The following CDK19 variants were observed in gnomAD, a reference collection of about 807,000 sequenced individuals.
CDK19 encodes the protein cyclin-dependent kinase 19.
A neutral mutation model predicts 68.3 loss-of-function variants in CDK19; 20 were observed. The ratio of observed to expected loss-of-function variants is 0.29; its 90% CI spans 0.21 to 0.43. The LOEUF is 0.43. Ranked by LOEUF, CDK19 falls within the 20% of genes least tolerant of loss-of-function variation. CDK19 has a pLI of 1.00. For synonymous variants in CDK19, 221 were observed against 222.8 expected (o/e 0.99, Z 0.07); for missense variants, 339 against 623.5 (o/e 0.54, Z 4.86).
chr6:110,800,631 C>T (rs926725780), intron 1 of CDK19, among the ~76,000 whole-genome samples: 2 of 152,116 alleles, frequency 1.3e-5, no homozygotes, highest in Non-Finnish European at 2.9e-5. Context: ...TCCTGGGATG[C>T]AAGGATGGTT....
In CDK19 at chr6:110,793,499, G is replaced by A. The variant is rs555430999; in HGVS notation, c.128+21510C>T. Among the ~76,000 whole-genome samples the A allele has an allele frequency of 8.5e-5, 13 of 152,326 alleles. No individual in the cohort carries two copies. In the South Asian group the frequency reaches 2.5e-3, roughly 29 times the overall value. On this transcript the variant is annotated intron_variant, in intron 1 of 12. Transcript: ENST00000368911. The stretch of plus-strand genomic sequence containing the variant: ...AATGTGTTTTGGTTGATTATGAAAA[G>A]TCTTTACACAGTGTGGGAGACAGTT...
chr6:110,634,508 G>A (rs1390656917), intron 5 of CDK19, among the ~76,000 whole-genome samples: 2 of 152,238 alleles, frequency 1.3e-5, no homozygotes, highest in Admixed American at 1.3e-4. Flanking sequence ...ATGAGCCACT[G>A]AGCCCGGCCT....
chr6:110,696,263 T>C (rs1307987429), intron 2 of CDK19, among the ~76,000 whole-genome samples: 3 of 152,092 alleles, frequency 2.0e-5, no homozygotes. Context: ...ATCATGTCAA[T>C]AGATGCAGAA....
chr6:110,790,328 G>T (rs1306603686), intron 1 of CDK19, among the ~76,000 whole-genome samples: 1 of 152,000 alleles, frequency 6.6e-6, no homozygotes, highest in Non-Finnish European at 1.5e-5. Flanking sequence ...TTGAGGTCTG[G>T]ATTCAAGACC....
intron 1 of CDK19, chr6:110,814,452 C>T: frequency 2.8e-6 from 1 of 361,928 alleles, no homozygotes; most frequent in South Asian, 2.0e-5. Flanking sequence ...ACGGGCCGGC[C>T]AGCCCGAAGG....
intron 12 of CDK19, among the ~76,000 whole-genome samples, chr6:110,619,989 T>C (rs562037343): frequency 6.6e-6 from 1 of 152,210 alleles, no homozygotes; most frequent in Non-Finnish European, 1.5e-5. Context: ...GTTGCTCATA[T>C]AATGGAGGGG....
At chr6:110,648,905 G>A (rs1276790894) in intron 4 of CDK19, among the ~76,000 whole-genome samples, 2 of 151,942 alleles carry the variant, frequency 1.3e-5, no homozygotes, top group Non-Finnish European at 2.9e-5. Flanking sequence ...TTTTAGTAGA[G>A]ACGGGGTTTC....
rs150983437 is a variant in CDK19 at position 110,765,366 on chromosome 6, G to A, written c.129-19165C>T. On this transcript the variant is annotated intron_variant, in intron 1 of 12. Transcript: ENST00000368911. ...TGCACTCCAGCCTGGGTGACAGAGT[G>A]AGAATCCATATCAACGAAAAGAAGA... 2.6e-3 allele frequency among the ~76,000 whole-genome samples: 380 copies of A among 146,056 alleles called. 7 individuals carry two copies. The East Asian group carries it at 0.048, about 18-fold the overall frequency.
chr6:110,795,540 G>A (rs1247400414), intron 1 of CDK19, among the ~76,000 whole-genome samples: 1 of 152,162 alleles, frequency 6.6e-6, no homozygotes, highest in East Asian at 1.9e-4. Flanking sequence ...GTTGAGATGA[G>A]GGGCACTTTT....
chr6:110,772,667 A>C (rs1468096481), intron 1 of CDK19, among the ~76,000 whole-genome samples: 1 of 152,204 alleles, frequency 6.6e-6, no homozygotes, highest in Non-Finnish European at 1.5e-5. Context: ...CCAAGGCAGG[A>C]GGGTTGTTTG....
In CDK19 at chr6:110,705,231, G is replaced by T. The variant is rs111881470; in HGVS notation, c.205-34690C>A. The stretch of plus-strand genomic sequence containing the variant: ...AATTTTGTATTTTTAGTAGAGACGG[G>T]GTTTCTCCATGTTGGTCAGGCTGGT... On this transcript the variant is annotated intron_variant, in intron 2 of 12. Transcript: ENST00000368911. Among the ~76,000 whole-genome samples the T allele has an allele frequency of 8.8e-3, 1,345 of 152,174 alleles. 20 individuals carry two copies. Among genetic ancestry groups the T allele is most frequent in the African/African-American group, 0.031 (1,285 of 41,520 alleles).
intron 6 of CDK19, among the ~76,000 whole-genome samples, chr6:110,628,631 C>G (rs1779245305): frequency 6.6e-6 from 1 of 152,054 alleles, no homozygotes; most frequent in African/African-American, 2.4e-5. Context: ...CAATTTCAGG[C>G]ATCCCCTGGG....
chr6:110,650,927 GCTA>G (rs1418428558), intron 4 of CDK19, among the ~76,000 whole-genome samples: 1 of 152,192 alleles, frequency 6.6e-6, no homozygotes, highest in Non-Finnish European at 1.5e-5. Flanking sequence ...GGGGAGGACT[GCTA>G]CTGCTACAAG....
intron 4 of CDK19, among the ~76,000 whole-genome samples, chr6:110,639,628 G>T (rs74476912): frequency 4.6e-5 from 7 of 152,202 alleles, no homozygotes; most frequent in Non-Finnish European, 1.0e-4. Context: ...AGAGAAGACT[G>T]AGGTTTTGTG....
At chr6:110,706,404 G>GT (rs774904075) in intron 2 of CDK19, 38,072 of 70,472 alleles carry the variant, frequency 0.54, 15,112 homozygotes, top group Admixed American at 0.65. Flanking sequence ...TAACACTGTT[G>GT]TTTTTTTTTT....
At position 110,797,339 on chromosome 6, in the gene CDK19, C is replaced by CA. The variant is rs879472403; in HGVS notation, c.128+17669dup. On this transcript the variant is annotated intron_variant, in intron 1 of 12. Coordinates refer to ENST00000368911, the MANE Select transcript of CDK19 (RefSeq NM_015076.5). ...TAGGCGACAGAGGGAGACTTCGTCT[C>CA]AAAAAAAAAAGAAAAAAAAGGCTTT... Among the ~76,000 whole-genome samples the CA allele has an allele frequency of 2.8e-3, 395 of 138,810 alleles. 1 individual carries two copies. The highest frequency in any genetic ancestry group is 9.1e-3 in the African/African-American group (342 of 37,768). 91.1% of individuals were successfully genotyped at this position (138,810 alleles called of 152,430 possible). A position where few individuals can be genotyped will look rare whatever the true frequency, so the allele number is the denominator to read the frequency against.
intron 4 of CDK19, among the ~76,000 whole-genome samples, chr6:110,641,676 A>AGGAAGGAAGGAAGGAAGGAAGGAC: frequency 6.6e-6 from 1 of 151,016 alleles, no homozygotes; most frequent in African/African-American, 2.4e-5. Context: ...GAAGGAAGGA[A>AGGAAGGAAGGAAGGAAGGAAGGAC]GGAAGGAAGG....
At position 110,757,729 on chromosome 6, in the gene CDK19, T is replaced by C. The variant is rs558506582; in HGVS notation, c.129-11528A>G. On this transcript the variant is annotated intron_variant, in intron 1 of 12. Coordinates refer to ENST00000368911, the MANE Select transcript of CDK19 (RefSeq NM_015076.5). Reference sequence around the variant, plus strand: ...AAGTACATCAAAAACCATTCATATATGTACATAGAAATAAAGCACTTATAG... The same window carrying C: ...AAGTACATCAAAAACCATTCATATACGTACATAGAAATAAAGCACTTATAG... 4.7e-4 allele frequency among the ~76,000 whole-genome samples: 71 copies of C among 152,348 alleles called. 1 individual carries two copies. In the South Asian group the frequency reaches 0.011, roughly 24 times the overall value.
At position 110,722,700 on chromosome 6, in the gene CDK19, C is replaced by A. The variant is rs542050278; in HGVS notation, c.204+23426G>T. On this transcript the variant is annotated intron_variant, in intron 2 of 12. Transcript: ENST00000368911. ...TCCTAGCCTAGGCAACATAAGGAGA[C>A]CCAGTCCTTACAAAAATTAGCTAGG... 1.3e-4 allele frequency among the ~76,000 whole-genome samples: 20 copies of A among 151,996 alleles called. 1 individual carries two copies. In the South Asian group the frequency reaches 3.9e-3, roughly 30 times the overall value.
Sources: gnomAD v4.1 joint callset for allele counts (sites outside exome capture counted in the v4.1 genomes callset) on GRCh38, gnomAD v4.1.1 for gene constraint, MANE v1.5 for transcripts, NCBI Gene and HGNC (gene_info 2026-07-23, HGNC 2026-07-21) for gene names.